JAZF1: variants seen among roughly 807,000 people sequenced by gnomAD.
The protein encoded by JAZF1 is juxtaposed with another zinc finger protein 1.
Under a neutral mutation model 26.4 loss-of-function variants are expected in JAZF1, and 8 were observed. The ratio of observed to expected loss-of-function variants is 0.30; its 90% CI spans 0.18 to 0.55. JAZF1 has a LOEUF of 0.55. JAZF1 is among the 20% of genes least tolerant of loss of function. The probability of loss-of-function intolerance (pLI) is 0.94; values close to 1 mark genes in which losing one functional copy is unlikely to be tolerated. For missense variants in JAZF1, 199 were observed against 322.0 expected, an observed-to-expected ratio of 0.62 and a Z score of 2.92; for synonymous variants, 126 against 122.3, an observed-to-expected ratio of 1.03 and a Z score of -0.20.
chr7:27,845,059 C>T (rs1583426504), intron 3 of JAZF1, among the ~76,000 whole-genome samples: 1 of 152,298 alleles, frequency 6.6e-6, no homozygotes, highest in East Asian at 1.9e-4. Context: ...GTGCCTCGCA[C>T]CATCCCGAGA....
intron 1 of JAZF1, among the ~76,000 whole-genome samples, chr7:28,146,864 G>GTTTTTTTTTTTTTT (rs1185605463): frequency 7.4e-6 from 1 of 135,630 alleles, no homozygotes; most frequent in African/African-American, 2.7e-5. Flanking sequence ...GTTTTTTTTT[G>GTTTTTTTTTTTTTT]TTTTTTTTTT....
intron 1 of JAZF1, among the ~76,000 whole-genome samples, chr7:28,093,215 G>T (rs1014805732): frequency 2.0e-5 from 3 of 152,120 alleles, no homozygotes; most frequent in Non-Finnish European, 2.9e-5. Flanking sequence ...CACATGTTGT[G>T]GGAGGGACCA....
chr7:27,948,903 A>G (rs1285236884), intron 2 of JAZF1, among the ~76,000 whole-genome samples: 1 of 152,200 alleles, frequency 6.6e-6, no homozygotes, highest in Non-Finnish European at 1.5e-5. Context: ...CTGGGCAATT[A>G]ACTTCACGGA....
intron 1 of JAZF1, among the ~76,000 whole-genome samples, chr7:28,024,457 T>C (rs1378041338): frequency 6.6e-6 from 1 of 152,190 alleles, no homozygotes; most frequent in Non-Finnish European, 1.5e-5. Flanking sequence ...GCTAGAGGTA[T>C]GCACATACAT....
rs1784310777 is a variant in JAZF1 at position 28,092,290 on chromosome 7, C to CCAAAAAAAAAAAAAAAAAAAAAAAAAAAA, written c.115+88172_115+88173insTTTTTTTTTTTTTTTTTTTTTTTTTTTTG. 1.3e-3 allele frequency among the ~76,000 whole-genome samples: 17 copies of CCAAAAAAAAAAAAAAAAAAAAAAAAAAAA among 12,804 alleles called. 3 individuals carry two copies. The highest frequency in any genetic ancestry group is 3.7e-3 in the African/African-American group (17 of 4,648). 8.4% of individuals were successfully genotyped at this position (12,804 alleles called of 152,430 possible). A position where few individuals can be genotyped will look rare whatever the true frequency, so the allele number is the denominator to read the frequency against. On this transcript the variant is annotated intron_variant, in intron 1 of 4. Coordinates refer to ENST00000283928, the MANE Select transcript of JAZF1 (RefSeq NM_175061.4). ...AACATCCCATTTCAGGGACAAAAGG[C>CCAAAAAAAAAAAAAAAAAAAAAAAAAAAA]AAAAAAAAAAAAAAAAAAAAAAAAA...
intron 3 of JAZF1, among the ~76,000 whole-genome samples, chr7:27,873,677 G>A (rs1218778881): frequency 6.6e-6 from 1 of 152,248 alleles, no homozygotes; most frequent in East Asian, 1.9e-4. Flanking sequence ...TGAAGGCACT[G>A]AGGTTGAGTC....
intron 3 of JAZF1, among the ~76,000 whole-genome samples, chr7:27,877,809 G>C (rs1166968367): frequency 6.6e-6 from 1 of 152,082 alleles, no homozygotes; most frequent in African/African-American, 2.4e-5. Context: ...TTATTTGTGG[G>C]GATGCAGTTT....
chr7:28,165,793 C>T (rs937401812), intron 1 of JAZF1, among the ~76,000 whole-genome samples: 1 of 152,188 alleles, frequency 6.6e-6, no homozygotes, highest in African/African-American at 2.4e-5. Context: ...TCTCCTGACT[C>T]GCTGTATTTT....
At chr7:28,128,277 A>G (rs1782731407) in intron 1 of JAZF1, among the ~76,000 whole-genome samples, 1 of 152,190 alleles carries the variant, frequency 6.6e-6, no homozygotes, top group South Asian at 2.1e-4. Context: ...TAATCCCAGC[A>G]CTATGGAAGG....
chr7:28,102,066 A>G (rs1334041059), intron 1 of JAZF1, among the ~76,000 whole-genome samples: 1 of 152,098 alleles, frequency 6.6e-6, no homozygotes, highest in East Asian at 1.9e-4. Context: ...AGTGGGAGGC[A>G]GGGCACCAAC....
intron 1 of JAZF1, among the ~76,000 whole-genome samples, chr7:28,173,043 T>A (rs1403096200): frequency 6.6e-6 from 1 of 152,130 alleles, no homozygotes; most frequent in African/African-American, 2.4e-5. Flanking sequence ...CCAGTTATGA[T>A]CCCATGAAGG....
At chr7:28,134,527 G>A (rs904385879) in intron 1 of JAZF1, among the ~76,000 whole-genome samples, 13 of 149,558 alleles carry the variant, frequency 8.7e-5, no homozygotes, top group African/African-American at 3.0e-4. Context: ...TGCCCAGGTT[G>A]GTTTTGAATT....
At chr7:28,042,726 T>C (rs1783414897) in intron 1 of JAZF1, among the ~76,000 whole-genome samples, 1 of 152,194 alleles carries the variant, frequency 6.6e-6, no homozygotes, top group African/African-American at 2.4e-5. Context: ...TTTCTATGTT[T>C]AGATACACAA....
intron 1 of JAZF1, among the ~76,000 whole-genome samples, chr7:28,133,300 G>C (rs1398202718): frequency 1.3e-5 from 2 of 152,280 alleles, no homozygotes; most frequent in East Asian, 3.9e-4. Context: ...GATTAAAAGA[G>C]GAAGAAAGGT....
At chr7:27,927,658 T>C (rs1784622217) in intron 2 of JAZF1, among the ~76,000 whole-genome samples, 2 of 152,162 alleles carry the variant, frequency 1.3e-5, no homozygotes, top group Admixed American at 1.3e-4. Context: ...CAAGCTATAT[T>C]TCTCATTTGA....
chr7:28,121,860 T>C (rs1347717266), intron 1 of JAZF1, among the ~76,000 whole-genome samples: 1 of 152,254 alleles, frequency 6.6e-6, no homozygotes, highest in Non-Finnish European at 1.5e-5. Flanking sequence ...ATAATCATCC[T>C]TCAATGTCCC....
At chr7:28,148,536 C>T (rs1187494472) in intron 1 of JAZF1, among the ~76,000 whole-genome samples, 3 of 152,098 alleles carry the variant, frequency 2.0e-5, no homozygotes, top group Admixed American at 6.6e-5. Flanking sequence ...TTTAAGCATA[C>T]GGTTTAGTCT....
chr7:27,965,334 A>C (rs72598569), intron 2 of JAZF1, among the ~76,000 whole-genome samples: 29,650 of 152,190 alleles, frequency 0.19, 3,533 homozygotes, highest in East Asian at 0.48. Context: ...ACAGGTATTA[A>C]AAGAAGATCT....
At chr7:27,940,074 G>C (rs764334680) in intron 2 of JAZF1, among the ~76,000 whole-genome samples, 7 of 152,090 alleles carry the variant, frequency 4.6e-5, no homozygotes, top group Non-Finnish European at 2.9e-5. Flanking sequence ...CTGTCTTCTG[G>C]GAAGAAGAAA....
Sources: gnomAD v4.1 joint callset for allele counts (sites outside exome capture counted in the v4.1 genomes callset) on GRCh38, gnomAD v4.1.1 for gene constraint, MANE v1.5 for transcripts, NCBI Gene and HGNC (gene_info 2026-07-23, HGNC 2026-07-21) for gene names.